Variants in ADCY2 observed in about 807,000 individuals in gnomAD.
The protein encoded by ADCY2 is adenylate cyclase type 2.
Under a neutral mutation model 125.2 loss-of-function variants are expected in ADCY2, and 31 were observed. The observed-to-expected ratio is 0.25, with a 90% CI of 0.19 to 0.33. ADCY2 has a LOEUF of 0.33. Among genes scored for constraint, ADCY2 ranks in the 10% least tolerant of loss-of-function variants. ADCY2 has a pLI of 1.00. For synonymous variants in ADCY2, 512 were observed against 548.4 expected, an observed-to-expected ratio of 0.93 and a Z score of 0.93; for missense variants, 904 against 1,418.2, an observed-to-expected ratio of 0.64 and a Z score of 5.82.
intron 2 of ADCY2, among the ~76,000 whole-genome samples, chr5:7,444,510 C>T (rs1322805890): frequency 1.3e-5 from 2 of 152,008 alleles, no homozygotes; most frequent in Non-Finnish European, 2.9e-5. Flanking sequence ...TTTTTGGCTG[C>T]ATGTTTCATT....
At chr5:7,721,299 C>T (rs556365051) in intron 12 of ADCY2, among the ~76,000 whole-genome samples, 45 of 152,152 alleles carry the variant, frequency 3.0e-4, no homozygotes, top group Admixed American at 1.4e-3. Context: ...GGATATTAGC[C>T]CTTTGTCAGA....
intron 12 of ADCY2, among the ~76,000 whole-genome samples, chr5:7,717,781 A>C (rs1354898214): frequency 3.9e-5 from 6 of 152,182 alleles, no homozygotes; most frequent in Non-Finnish European, 1.5e-5. Flanking sequence ...CAATTTGAAG[A>C]AGGTGATGGC....
At chr5:7,792,063 A>G (rs1329861572) in intron 20 of ADCY2, among the ~76,000 whole-genome samples, 1 of 152,022 alleles carries the variant, frequency 6.6e-6, no homozygotes, top group East Asian at 1.9e-4. Context: ...GCAGGCAGGA[A>G]GAGAGCAAAG....
At chr5:7,491,408 A>G (rs993164208) in intron 2 of ADCY2, among the ~76,000 whole-genome samples, 2 of 152,128 alleles carry the variant, frequency 1.3e-5, no homozygotes, top group Non-Finnish European at 2.9e-5. Flanking sequence ...TCAAAATGAT[A>G]TATATTTTTT....
At chr5:7,408,159 C>T (rs900857160) in intron 1 of ADCY2, among the ~76,000 whole-genome samples, 12 of 151,840 alleles carry the variant, frequency 7.9e-5, no homozygotes, top group South Asian at 2.1e-4. Context: ...CATGAGCCAC[C>T]GTGCCTGGCC....
intron 3 of ADCY2, among the ~76,000 whole-genome samples, chr5:7,583,389 T>C (rs942825542): frequency 6.6e-6 from 1 of 152,206 alleles, no homozygotes; most frequent in South Asian, 2.1e-4. Flanking sequence ...CACAGTGATC[T>C]TGTAAAAGTA....
chr5:7,475,984 G>C (rs920828521), intron 2 of ADCY2, among the ~76,000 whole-genome samples: 1 of 152,146 alleles, frequency 6.6e-6, no homozygotes, highest in Admixed American at 6.5e-5. Flanking sequence ...CATTTTTGAA[G>C]TTCACCATAG....
chr5:7,480,267 A>G (rs1290865033), intron 2 of ADCY2, among the ~76,000 whole-genome samples: 1 of 152,230 alleles, frequency 6.6e-6, no homozygotes, highest in African/African-American at 2.4e-5. Context: ...ACCCAAAGGA[A>G]TATAAATCGT....
chr5:7,507,499 A>G (rs1458328605), intron 2 of ADCY2, among the ~76,000 whole-genome samples: 1 of 151,606 alleles, frequency 6.6e-6, no homozygotes, highest in East Asian at 1.9e-4. Context: ...TAGGGTAGAA[A>G]GTTATTTACT....
rs72709159 is a variant in ADCY2 at position 7,470,776 on chromosome 5, G to A, written c.409-49962G>A. ...ATTGTTGGATGAATTGTTCTGTAAA[G>A]GAATTAGGGTAAGTTGGTTGATGGT... On this transcript the variant is annotated intron_variant, in intron 2 of 24. Transcript: ENST00000338316. Among the ~76,000 whole-genome samples, 269 of 151,464 alleles carry A rather than the reference G, an allele frequency of 1.8e-3. 1 individual carries two copies. Among genetic ancestry groups the A allele is most frequent in the East Asian group, 3.3e-3 (17 of 5,180 alleles).
chr5:7,692,939 T>C (rs1230396699), intron 5 of ADCY2, among the ~76,000 whole-genome samples: 1 of 152,156 alleles, frequency 6.6e-6, no homozygotes, highest in Admixed American at 6.5e-5. Flanking sequence ...TCCATACTCA[T>C]CTACTTAACA....
At chr5:7,723,588 T>A (rs1332398527) in intron 12 of ADCY2, among the ~76,000 whole-genome samples, 1 of 152,194 alleles carries the variant, frequency 6.6e-6, no homozygotes, top group African/African-American at 2.4e-5. Context: ...ATCAACCTAT[T>A]CTGAACGGAT....
chr5:7,696,933 G>A (rs1223785881), intron 6 of ADCY2, among the ~76,000 whole-genome samples: 3 of 152,108 alleles, frequency 2.0e-5, no homozygotes, highest in Non-Finnish European at 2.9e-5. Context: ...AGAAAAGAAA[G>A]GTTTGAAACT....
chr5:7,532,660 T>G (rs1217528099), intron 3 of ADCY2, among the ~76,000 whole-genome samples: 4 of 152,200 alleles, frequency 2.6e-5, no homozygotes, highest in African/African-American at 9.6e-5. Flanking sequence ...TTTTTGTTTT[T>G]GTTTTTTTAA....
chr5:7,465,120 A>G (rs1742065523), intron 2 of ADCY2, among the ~76,000 whole-genome samples: 1 of 152,316 alleles, frequency 6.6e-6, no homozygotes, highest in African/African-American at 2.4e-5. Context: ...GTTATCTCCC[A>G]CTGGGTCCTT....
intron 4 of ADCY2, among the ~76,000 whole-genome samples, chr5:7,652,031 TCACCTTGTGATC>T (rs1290397233): frequency 2.0e-5 from 3 of 152,066 alleles, no homozygotes; most frequent in African/African-American, 7.2e-5. Flanking sequence ...CTCTATTTCT[TCACCTTGTGATC>T]CACCCACCTC....
intron 3 of ADCY2, among the ~76,000 whole-genome samples, chr5:7,561,891 A>G (rs957777022): frequency 3.3e-5 from 5 of 152,174 alleles, no homozygotes; most frequent in African/African-American, 1.2e-4. Context: ...GGTTAGGTCT[A>G]AGCTAATTTT....
chr5:7,464,469 T>G (rs1742032202), intron 2 of ADCY2, among the ~76,000 whole-genome samples: 1 of 152,186 alleles, frequency 6.6e-6, no homozygotes, highest in Non-Finnish European at 1.5e-5. Context: ...ACATGGGTTC[T>G]CCCAGCTTGG....
At chr5:7,820,430 G>A (rs952406749) in intron 23 of ADCY2, 135 bp from the exon 24 acceptor site, 20 of 1,104,174 alleles carry the variant, frequency 1.8e-5, no homozygotes, top group Non-Finnish European at 2.4e-5. Context: ...GGAGGTGAAG[G>A]TTGCAGTCAG....
Sources: allele counts gnomAD v4.1 joint callset (sites outside exome capture counted in the v4.1 genomes callset), GRCh38; gene constraint gnomAD v4.1.1; transcripts MANE v1.5; gene names NCBI Gene and HGNC (gene_info 2026-07-23, HGNC 2026-07-21).